Variants in ARB2A observed in about 807,000 individuals in gnomAD.
ARB2A encodes the protein cotranscriptional regulator ARB2A.
At chr5:93,837,628 C>T in the ARB2A span, among the ~76,000 whole-genome samples, 1 of 152,118 alleles carries the variant, frequency 6.6e-6, no homozygotes, top group Non-Finnish European at 1.5e-5. Context: ...CTCCCACCAA[C>T]AGTGTATAAG....
chr5:94,075,564 C>T, the ARB2A span, among the ~76,000 whole-genome samples: 1 of 152,094 alleles, frequency 6.6e-6, no homozygotes, highest in Non-Finnish European at 1.5e-5. Context: ...ATTTAAACTA[C>T]ATTTAATCCA....
the ARB2A span, among the ~76,000 whole-genome samples, chr5:94,092,172 CAA>C: frequency 5.4e-5 from 7 of 129,898 alleles, no homozygotes; most frequent in Non-Finnish European, 5.0e-5. Context: ...CTTGTCTTTC[CAA>C]AAAAAAAAAA....
At chr5:93,804,907 T>G in the ARB2A span, 4 of 941,962 alleles carry the variant, frequency 4.2e-6, no homozygotes, top group African/African-American at 1.8e-5. Flanking sequence ...AAACTTAAGT[T>G]TAAGTAACCA....
the ARB2A span, among the ~76,000 whole-genome samples, chr5:93,750,325 T>C: frequency 6.6e-6 from 1 of 152,172 alleles, no homozygotes; most frequent in African/African-American, 2.4e-5. Flanking sequence ...ATATTGTTTT[T>C]GAAGAAAAGC....
the ARB2A span, among the ~76,000 whole-genome samples, chr5:93,650,313 T>C: frequency 7.2e-5 from 11 of 152,244 alleles, no homozygotes; most frequent in African/African-American, 1.9e-4. Context: ...AACAGACAAA[T>C]TGAAACCTTA....
At chr5:94,012,098 T>C in the ARB2A span, among the ~76,000 whole-genome samples, 1 of 151,874 alleles carries the variant, frequency 6.6e-6, no homozygotes, top group South Asian at 2.1e-4. Context: ...GTGGGAAAAA[T>C]AATCTTAAAA....
the ARB2A span, among the ~76,000 whole-genome samples, chr5:93,916,369 A>G: frequency 6.6e-6 from 1 of 152,180 alleles, no homozygotes; most frequent in Non-Finnish European, 1.5e-5. Context: ...AGCTGCTATC[A>G]TCAAGCATAC....
chr5:93,829,259 G>A, the ARB2A span, among the ~76,000 whole-genome samples: 1 of 152,124 alleles, frequency 6.6e-6, no homozygotes, highest in African/African-American at 2.4e-5. Context: ...AACAGTCTCT[G>A]TGTTCCAGTT....
the ARB2A span, among the ~76,000 whole-genome samples, chr5:93,879,502 T>C: frequency 1.4e-5 from 1 of 71,322 alleles, no homozygotes; most frequent in Admixed American, 1.9e-4. Flanking sequence ...GACAGGAGTC[T>C]AAAAGAGAGA....
the ARB2A span, among the ~76,000 whole-genome samples, chr5:93,858,424 C>T: frequency 2.3e-4 from 35 of 150,616 alleles, no homozygotes; most frequent in Non-Finnish European, 4.5e-4. Context: ...CAAAGGCCAG[C>T]TTTGCAGGCA....
the ARB2A span, among the ~76,000 whole-genome samples, chr5:93,757,575 T>C: frequency 5.9e-5 from 9 of 152,266 alleles, no homozygotes; most frequent in African/African-American, 2.2e-4. Flanking sequence ...GGCACTATCT[T>C]CAGTCTCCTC....
the ARB2A span, among the ~76,000 whole-genome samples, chr5:93,962,115 T>C: frequency 1.3e-5 from 2 of 152,248 alleles, no homozygotes; most frequent in Non-Finnish European, 2.9e-5. Context: ...GGTAATTTAT[T>C]AAGCTAAGCT....
the ARB2A span, among the ~76,000 whole-genome samples, chr5:93,960,734 C>T: frequency 1.3e-5 from 2 of 152,056 alleles, no homozygotes; most frequent in East Asian, 3.9e-4. Context: ...TAAACTAGTA[C>T]ATAATTATAG....
At chr5:93,628,123 T>G in the ARB2A span, among the ~76,000 whole-genome samples, 1 of 142,352 alleles carries the variant, frequency 7.0e-6, no homozygotes, top group Non-Finnish European at 1.5e-5. Context: ...TGATCTTGGC[T>G]CACTGCAACC....
chr5:93,973,140 C>T, the ARB2A span, among the ~76,000 whole-genome samples: 1 of 116,440 alleles, frequency 8.6e-6, no homozygotes, highest in African/African-American at 3.3e-5. Context: ...TCATAGAAAC[C>T]AGGTCTCACT....
the ARB2A span, among the ~76,000 whole-genome samples, chr5:93,645,504 G>A: frequency 6.6e-6 from 1 of 151,840 alleles, no homozygotes; most frequent in Non-Finnish European, 1.5e-5. Context: ...AACCCAGGAG[G>A]TGGAGGTTGC....
At chr5:93,909,317 G>A in the ARB2A span, among the ~76,000 whole-genome samples, 2 of 150,918 alleles carry the variant, frequency 1.3e-5, no homozygotes, top group Non-Finnish European at 3.0e-5. Context: ...TAACTCTTAA[G>A]TAATAGCACC....
At chr5:93,717,335 C>T in the ARB2A span, among the ~76,000 whole-genome samples, 131 of 151,980 alleles carry the variant, frequency 8.6e-4, no homozygotes, top group African/African-American at 2.9e-3. Context: ...CAGCACCAAG[C>T]GGTGCCACTT....
At chr5:93,702,515 C>CATTT in the ARB2A span, among the ~76,000 whole-genome samples, 1 of 152,130 alleles carries the variant, frequency 6.6e-6, no homozygotes, top group Non-Finnish European at 1.5e-5. Context: ...ACAGAGCTTA[C>CATTT]ATTTGGCTAT....
Sources: allele counts gnomAD v4.1 joint callset (sites outside exome capture counted in the v4.1 genomes callset), GRCh38; gene constraint gnomAD v4.1.1; transcripts MANE v1.5; gene names NCBI Gene and HGNC (gene_info 2026-07-23, HGNC 2026-07-21).